Variants in SPTBN1 observed in about 807,000 individuals in gnomAD.
SPTBN1 encodes the protein spectrin beta, non-erythrocytic 1.
Under a neutral mutation model 266.4 loss-of-function variants are expected in SPTBN1, and 32 were observed. The ratio of observed to expected loss-of-function variants is 0.12; its 90% confidence interval spans 0.09 to 0.16. The LOEUF is 0.16. Among genes scored for constraint, SPTBN1 ranks in the 10% least tolerant of loss-of-function variants. SPTBN1 has a pLI of 1.00. For synonymous variants in SPTBN1, 1,336 were observed against 1,162.2 expected (o/e 1.15, Z -3.04); for missense variants, 2,296 against 3,067.1 (o/e 0.75, Z 5.94).
rs573722541 is a variant in SPTBN1, at chr2:54,583,871, T to C, written c.149-15221T>C. On this transcript the variant is annotated intron_variant, in intron 2 of 35. Coordinates refer to ENST00000356805, the MANE Select transcript of SPTBN1 (RefSeq NM_003128.3). ...AGACCCATCGGGTGAACCTCAATTC[T>C]CTTATCAAATAAAAAATCATTTCAT... Among the ~76,000 whole-genome samples, 9 of 152,306 alleles carry C rather than the reference T, an allele frequency of 5.9e-5. No homozygotes were observed. In the South Asian group the frequency reaches 1.9e-3, roughly 32 times the overall value.
intron 1 of SPTBN1, among the ~76,000 whole-genome samples, chr2:54,499,494 T>G (rs79525838): frequency 0.018 from 2,784 of 152,326 alleles, 94 homozygotes; most frequent in African/African-American, 0.062. Flanking sequence ...TGCGTGTTGA[T>G]TTGCTTTCAG....
chr2:54,600,137 C>T (rs1173478027), intron 3 of SPTBN1, among the ~76,000 whole-genome samples: 1 of 152,210 alleles, frequency 6.6e-6, no homozygotes, highest in Admixed American at 6.5e-5. Context: ...CTGTAGCTTG[C>T]CAGCCGCAGT....
chr2:54,609,229 A>G (rs908088614), intron 3 of SPTBN1, among the ~76,000 whole-genome samples: 6 of 152,158 alleles, frequency 3.9e-5, no homozygotes, highest in Non-Finnish European at 8.8e-5. Context: ...TTTTGGAGAC[A>G]CTCATTTTCA....
intron 2 of SPTBN1, among the ~76,000 whole-genome samples, chr2:54,548,236 A>G (rs1672363181): frequency 1.3e-5 from 2 of 152,200 alleles, no homozygotes; most frequent in African/African-American, 2.4e-5. Context: ...TCAGGACACC[A>G]TAAGAATAAT....
rs185195837 is a variant in SPTBN1 at position 54,611,478 on chromosome 2, A to C, written c.301-683A>C. ...TATGCATTATCTACTCTCTCTCTAT[A>C]TATATATTTTTTGTTTGTTTGTTTT... On this transcript the variant is annotated intron_variant, in intron 3 of 35. Coordinates refer to ENST00000356805, the MANE Select transcript of SPTBN1 (RefSeq NM_003128.3). Among the ~76,000 whole-genome samples the C allele has an allele frequency of 9.6e-3, 1,453 of 151,940 alleles. 10 individuals carry two copies. Among genetic ancestry groups the C allele is most frequent in the Non-Finnish European group, 0.014 (938 of 67,966 alleles).
In SPTBN1 at chr2:54,649,693, C is replaced by G. The variant is rs748335877; in HGVS notation, c.5281C>G (p.Leu1761Val). 8.7e-6 allele frequency: 14 copies of G among 1,614,192 alleles called. No homozygotes were observed. The South Asian group carries it at 1.4e-4, about 16-fold the overall frequency. Residue 1761 changes from leucine (L) to valine (V), a missense_variant, in exon 26 of 36, where the codon CTG (leucine) becomes GTG (valine). Physicochemically the swap from Leu to Val is conservative, Grantham distance 32. This residue lies in a region of SPTBN1 where 644 missense variants were observed against 745.3 expected (regional missense o/e 0.86). Transcript: ENST00000356805. This position sits in a 1 kb window ranked among gnomAD's most constrained non-coding sequence, Gnocchi z 6.7. ...GGAGCGCGTGGACACGGTCAATCAC[C>G]TGGCAGATGAGCTCATCAACTCTGG... ...GQERVDTVNH[L>V]ADELINSGHS...
At chr2:54,587,302 C>T (rs1342439556) in intron 2 of SPTBN1, among the ~76,000 whole-genome samples, 1 of 152,114 alleles carries the variant, frequency 6.6e-6, no homozygotes, top group Non-Finnish European at 1.5e-5. Context: ...CTTTAATGTT[C>T]CTTAGGAAGA....
At chr2:54,472,029 T>G (rs1027795898) in intron 1 of SPTBN1, among the ~76,000 whole-genome samples, 2 of 122,700 alleles carry the variant, frequency 1.6e-5, no homozygotes, top group African/African-American at 3.4e-5. Context: ...GATGTTTTTT[T>G]TTTTTTTTTT....
intron 1 of SPTBN1, among the ~76,000 whole-genome samples, chr2:54,501,680 C>T (rs1669276624): frequency 6.6e-6 from 1 of 152,206 alleles, no homozygotes; most frequent in African/African-American, 2.4e-5. Flanking sequence ...CACCTTTCTG[C>T]TCAGTGCTCC....
At chr2:54,596,084 C>T (rs1488954880) in intron 2 of SPTBN1, among the ~76,000 whole-genome samples, 2 of 152,158 alleles carry the variant, frequency 1.3e-5, no homozygotes, top group Non-Finnish European at 2.9e-5. Context: ...AGTCGGCTCA[C>T]TGCCCTCTGC....
At chr2:54,611,675 A>G (rs1677226268) in intron 3 of SPTBN1, among the ~76,000 whole-genome samples, 1 of 152,060 alleles carries the variant, frequency 6.6e-6, no homozygotes, top group East Asian at 1.9e-4. Flanking sequence ...TCCACACACA[A>G]CCACCACTTG....
rs865786809 is a variant in SPTBN1, at chr2:54,494,920, A to T, written c.-47-31452A>T. Reference sequence around the variant, plus strand: ...CCTGAATAAAGCTGTTTTTTTTTAAAAAAAAAAAAATGTCCTGAAAAAAGT... The same window carrying T: ...CCTGAATAAAGCTGTTTTTTTTTAATAAAAAAAAAATGTCCTGAAAAAAGT... On this transcript the variant is annotated intron_variant, in intron 1 of 35. Coordinates refer to ENST00000356805, the MANE Select transcript of SPTBN1 (RefSeq NM_003128.3). 5.3e-3 allele frequency among the ~76,000 whole-genome samples: 726 copies of T among 138,156 alleles called. 5 individuals carry two copies. The highest frequency in any genetic ancestry group is 0.022 in the African/African-American group (685 of 31,858). The allele number at this position is 138,156 out of a possible 152,430, so 90.6% of individuals were successfully genotyped here.
intron 7 of SPTBN1, among the ~76,000 whole-genome samples, chr2:54,618,686 G>T (rs544695036): frequency 1.3e-5 from 2 of 152,346 alleles, no homozygotes; most frequent in South Asian, 4.1e-4. Context: ...TGGCAAGCAG[G>T]TTGGATGGGG....
intron 1 of SPTBN1, among the ~76,000 whole-genome samples, chr2:54,521,588 A>C (rs1048470573): frequency 2.0e-5 from 3 of 152,156 alleles, no homozygotes; most frequent in African/African-American, 7.2e-5. Flanking sequence ...ATCATGGCTC[A>C]CTGCGGCCTT....
At chr2:54,581,435 A>G (rs1242137414) in intron 2 of SPTBN1, among the ~76,000 whole-genome samples, 1 of 152,180 alleles carries the variant, frequency 6.6e-6, no homozygotes, top group Non-Finnish European at 1.5e-5. Context: ...TGATGCTGAC[A>G]GCATTTGCTG....
intron 3 of SPTBN1, among the ~76,000 whole-genome samples, chr2:54,607,744 A>C (rs1676943496): frequency 2.0e-5 from 3 of 152,210 alleles, no homozygotes; most frequent in Non-Finnish European, 4.4e-5. Context: ...GGGGTCCTGG[A>C]ATCAATCCCC....
chr2:54,551,417 T>A lies in SPTBN1; in HGVS notation c.148+24851T>A, dbSNP rs186520525. Among the ~76,000 whole-genome samples, 91 of 152,396 alleles carry A rather than the reference T, an allele frequency of 6.0e-4. 1 individual carries two copies. The highest frequency in any genetic ancestry group is 1.7e-3 in the African/African-American group (72 of 41,608). ...ACCTGTTTGGCAAAGCCAGGGCCTCTGGACCGGGGCATTCTTTTGTCTGTG... is the reference window on the plus strand; with the variant it reads ...ACCTGTTTGGCAAAGCCAGGGCCTCAGGACCGGGGCATTCTTTTGTCTGTG... On this transcript the variant is annotated intron_variant, in intron 2 of 35. Transcript: ENST00000356805.
rs944936771 is a variant in SPTBN1 at position 54,499,283 on chromosome 2, T to G, written c.-47-27089T>G. Among the ~76,000 whole-genome samples the G allele has an allele frequency of 2.6e-5, 4 of 152,108 alleles. No individual in the cohort carries two copies. The East Asian group carries it at 7.7e-4, about 29-fold the overall frequency. On this transcript the variant is annotated intron_variant, in intron 1 of 35. Transcript: ENST00000356805. ...TTGGAAACTAATGTTGCTTCCTCCATTTTTTTTGTTTGTTTAAACTTTGCT... is the reference window on the plus strand; with the variant it reads ...TTGGAAACTAATGTTGCTTCCTCCAGTTTTTTTGTTTGTTTAAACTTTGCT...
chr2:54,655,646 T>A (rs1680599886), intron 28 of SPTBN1, among the ~76,000 whole-genome samples: 1 of 152,166 alleles, frequency 6.6e-6, no homozygotes, highest in Admixed American at 6.5e-5. Flanking sequence ...TTGCTGTCCC[T>A]CTCCTGAACG....
Sources: allele counts gnomAD v4.1 joint callset (sites outside exome capture counted in the v4.1 genomes callset), GRCh38; gene constraint gnomAD v4.1.1; regional missense constraint gnomAD v4.1.1; non-coding constraint Gnocchi (gnomAD v3.1); transcripts MANE v1.5; gene names NCBI Gene and HGNC (gene_info 2026-07-23, HGNC 2026-07-21).